Variants in AGGF1 observed in about 807,000 individuals in gnomAD.
AGGF1 encodes the protein angiogenic factor with G patch and FHA domains 1.
AGGF1 carries 56 observed loss-of-function variants against 86.5 expected under a neutral mutation model. The ratio of observed to expected loss-of-function variants is 0.65; its 90% CI spans 0.52 to 0.81. The LOEUF (loss-of-function observed/expected upper bound fraction) is 0.81. Ranked by LOEUF, AGGF1 falls within the 30% of genes least tolerant of loss-of-function variation. The pLI is 0.00. For synonymous variants in AGGF1, 313 were observed against 297.1 expected (o/e 1.05, Z -0.55); for missense variants, 816 against 850.9 (o/e 0.96, Z 0.51).
chr5:77,045,043 C>T lies in AGGF1; in HGVS notation c.871-1304C>T, dbSNP rs959039486. Among the ~76,000 whole-genome samples, 23 of 145,874 alleles carry T rather than the reference C, an allele frequency of 1.6e-4. No individual in the cohort carries two copies. In the East Asian group the frequency reaches 3.0e-3, roughly 19 times the overall value. Reference sequence around the variant, plus strand: ...TCGCGCCACTGCACTCCAGCCTGGGCGACAGAGCGAGACTCCGTCTCAAAA... The same window carrying T: ...TCGCGCCACTGCACTCCAGCCTGGGTGACAGAGCGAGACTCCGTCTCAAAA... On this transcript the variant is annotated intron_variant, in intron 5 of 13. Coordinates refer to ENST00000312916, the MANE Select transcript of AGGF1 (RefSeq NM_018046.5).
At position 77,035,401 on chromosome 5, in the gene AGGF1, T is replaced by C. The variant is rs960522193; in HGVS notation, c.314-140T>C. 13 of 681,862 alleles carry C rather than the reference T, an allele frequency of 1.9e-5. 1 individual carries two copies. In the Admixed American group the frequency reaches 3.3e-4, roughly 17 times the overall value. 42.2% of individuals were successfully genotyped at this position (681,862 alleles called of 1,614,324 possible). A position where few individuals can be genotyped will look rare whatever the true frequency, so the allele number is the denominator to read the frequency against. Reference sequence around the variant, plus strand: ...ATCTGTGCCATCTGTTTTAATCTTTTAAAATTTGTACAGTTGTAAAAATCA... The same window carrying C: ...ATCTGTGCCATCTGTTTTAATCTTTCAAAATTTGTACAGTTGTAAAAATCA... On this transcript the variant is annotated intron_variant, in intron 2 of 13. Coordinates refer to ENST00000312916, the MANE Select transcript of AGGF1 (RefSeq NM_018046.5).
chr5:77,039,682 G>C lies in AGGF1; in HGVS notation c.833G>C (p.Arg278Thr), dbSNP rs772866548. The change falls in exon 5 of 14, where the codon AGA (arginine) becomes ACA (threonine). Residue 278 changes from arginine to threonine, a missense_variant. Physicochemically the swap from Arg to Thr is moderately conservative, Grantham distance 71 (BLOSUM62 -1). Around this residue, in one of 3 missense-constraint regions of AGGF1, gnomAD observed 565 missense variants for 585.8 expected, o/e 0.96. Transcript: ENST00000312916. Reference protein sequence around the residue: ...QSKDKKLKKKRKDPDSSATNE... With the variant: ...QSKDKKLKKKTKDPDSSATNE... ...AAAGATAAAAAATTGAAGAAGAAAA[G>C]AAAAGATCCAGATTCTTCTGCAACA... 2 of 1,611,994 alleles carry C rather than the reference G, an allele frequency of 1.2e-6. No individual in the cohort carries two copies. The highest frequency in any genetic ancestry group is 3.3e-5 in the Admixed American group (2 of 59,748).
rs774557503 is a variant in AGGF1, at chr5:77,030,472, C to G, written c.-295C>G. ...GGCCTCTGGTTTTCCGACTGCTTATCCGACGCTCCTCCCTCTGTCTCTGTA... is the reference window on the plus strand; with the variant it reads ...GGCCTCTGGTTTTCCGACTGCTTATGCGACGCTCCTCCCTCTGTCTCTGTA... On this transcript the variant is annotated 5_prime_UTR_variant, in exon 1 of 14. The change creates a new upstream start codon in the 5' untranslated region. Transcript: ENST00000312916. 3 of 600,768 alleles carry G rather than the reference C, an allele frequency of 5.0e-6. No homozygotes were observed. Among genetic ancestry groups the G allele is most frequent in the Admixed American group, 2.1e-5 (1 of 46,686 alleles). 37.2% of individuals were successfully genotyped at this position (600,768 alleles called of 1,614,324 possible). A position where few individuals can be genotyped will look rare whatever the true frequency, so the allele number is the denominator to read the frequency against.
In AGGF1 at chr5:77,064,802, A is replaced by T. The variant is rs1742765574; in HGVS notation, c.*1550A>T. ...TATGTAACAATATAGGACCCCTCCAAATAGGTTTTGCTTCTGGTGAATCTT... is the reference window on the plus strand; with the variant it reads ...TATGTAACAATATAGGACCCCTCCATATAGGTTTTGCTTCTGGTGAATCTT... On this transcript the variant is annotated 3_prime_UTR_variant, in exon 14 of 14. Coordinates refer to ENST00000312916, the MANE Select transcript of AGGF1 (RefSeq NM_018046.5). The T allele has an allele frequency of 6.6e-6, 1 of 152,176 alleles. No homozygotes were observed. Among genetic ancestry groups the T allele is most frequent in the South Asian group, 2.1e-4 (1 of 4,822 alleles). The allele number at this position is 152,176 out of a possible 1,614,324, so 9.4% of individuals were successfully genotyped here. A position where few individuals can be genotyped will look rare whatever the true frequency, so the allele number is the denominator to read the frequency against.
chr5:77,046,491 G>A lies in AGGF1; in HGVS notation c.1015G>A (p.Gly339Arg), dbSNP rs1304550069. ...SPPKVTVPTS[G>R]NTIESPLHEN... ...CCCCAAAGTCACTGTTCCAACTAGTGGAAATACTATAGAGTCTCCTCTTCA... is the reference window on the plus strand; with the variant it reads ...CCCCAAAGTCACTGTTCCAACTAGTAGAAATACTATAGAGTCTCCTCTTCA... The change falls in exon 6 of 14, where the codon GGA becomes AGA. Residue 339 changes from glycine (G) to arginine (R), a missense_variant. This residue lies in a region of AGGF1 where 565 missense variants were observed against 585.8 expected (regional missense o/e 0.96). Coordinates refer to ENST00000312916, the MANE Select transcript of AGGF1 (RefSeq NM_018046.5). The A allele has an allele frequency of 1.9e-6, 3 of 1,613,988 alleles. No individual in the cohort carries two copies. The Admixed American group carries it at 5.0e-5, about 27-fold the overall frequency.
intron 7 of AGGF1, 47 bp from the exon 8 acceptor site, chr5:77,048,889 A>G (rs576801363): frequency 5.8e-6 from 9 of 1,556,692 alleles, no homozygotes; most frequent in Middle Eastern, 3.6e-4. Flanking sequence ...GTCACTTTAT[A>G]TAATATGCTT....
At chr5:77,033,044 C>T (rs1746901002) in intron 1 of AGGF1, among the ~76,000 whole-genome samples, 1 of 152,192 alleles carries the variant, frequency 6.6e-6, no homozygotes. Flanking sequence ...GATCATCTGT[C>T]CTCCACATGC....
rs1388730067 is a variant in AGGF1, at chr5:77,039,629, T to G, written c.780T>G (p.Pro260=). The G allele has an allele frequency of 6.2e-7, 1 of 1,613,214 alleles. No homozygotes were observed. The highest frequency in any genetic ancestry group is 8.5e-7 in the Non-Finnish European group (1 of 1,179,500). Residue 260 remains proline, a synonymous_variant, in exon 5 of 14, where the codon CCT becomes CCG. Transcript: ENST00000312916. ...TTCATTCTCGAGTAGATTTGCAACC[T>G]TATCCGACTTCTAGCACAAAACAAA... ...YQFHSRVDLQ[P]YPTSSTKQSK... is the part of the protein sequence containing the mutation.
intron 1 of AGGF1, among the ~76,000 whole-genome samples, chr5:77,032,442 G>A (rs1303362054): frequency 6.6e-6 from 1 of 151,268 alleles, no homozygotes. Context: ...GGTGGCGGGC[G>A]CCTGTAGTCC....
chr5:77,038,472 A>G (rs1747004584), intron 4 of AGGF1, among the ~76,000 whole-genome samples: 1 of 152,038 alleles, frequency 6.6e-6, no homozygotes, highest in African/African-American at 2.4e-5. Flanking sequence ...AATTTTTTTT[A>G]TATTTTGAAA....
At position 77,034,405 on chromosome 5, in the gene AGGF1, T is replaced by C. The variant is rs769484134; in HGVS notation, c.211-13T>C. The C allele has an allele frequency of 6.5e-7, 1 of 1,534,490 alleles. No individual in the cohort carries two copies. ...ACATGATTTCTTTTTCCTAAAGCCT[T>C]GTTTTCTCTCAGGTGGAAGAACTCA... On this transcript the variant is annotated splice_polypyrimidine_tract_variant and intron_variant, in intron 1 of 13. Transcript: ENST00000312916.
In AGGF1 at chr5:77,030,503, A is replaced by T. The variant is rs759363575; in HGVS notation, c.-264A>T. 5 of 659,362 alleles carry T rather than the reference A, an allele frequency of 7.6e-6. No individual in the cohort carries two copies. The highest frequency in any genetic ancestry group is 7.5e-5 in the South Asian group (5 of 66,366). The allele number at this position is 659,362 out of a possible 1,614,324, so 40.8% of individuals were successfully genotyped here. On this transcript the variant is annotated 5_prime_UTR_variant, in exon 1 of 14. Coordinates refer to ENST00000312916, the MANE Select transcript of AGGF1 (RefSeq NM_018046.5). ...CTCCTCCCTCTGTCTCTGTAGCTGG[A>T]GAAGGTAGTTTCCAGGAAAGTTTTC...
At chr5:77,041,797 ATTT>A (rs1747089724) in intron 5 of AGGF1, among the ~76,000 whole-genome samples, 1 of 127,094 alleles carries the variant, frequency 7.9e-6, no homozygotes, top group African/African-American at 3.3e-5. Flanking sequence ...TTATTTATTT[ATTT>A]ATTTATTTAT....
rs1232718165 is a variant in AGGF1 at position 77,041,566 on chromosome 5, C to CAA, written c.870+1866_870+1867dup. On this transcript the variant is annotated intron_variant, in intron 5 of 13. Transcript: ENST00000312916. ...TGGGCAACAGAGCGAGACTCCATCT[C>CAA]AAAAAAAAAAAAAAAAAAAAGAAGA... is the stretch of plus-strand genomic sequence containing the variant. 3.2e-3 allele frequency among the ~76,000 whole-genome samples: 222 copies of CAA among 70,216 alleles called. 2 individuals carry two copies. The highest frequency in any genetic ancestry group is 0.027 in the South Asian group (51 of 1,884). The allele number at this position is 70,216 out of a possible 152,430, so 46.1% of individuals were successfully genotyped here. A position where few individuals can be genotyped will look rare whatever the true frequency, so the allele number is the denominator to read the frequency against.
In AGGF1 at chr5:77,063,226, C is replaced by T; in HGVS notation, c.2119C>T (p.Pro707Ser). The part of the protein sequence containing the change: ...KPQKDDPGTM[P>S]WVKGTLE The stretch of plus-strand genomic sequence containing the variant: ...TCAAAAAGATGACCCAGGGACCATG[C>T]CTTGGGTAAAAGGGACTTTAGAGTG... The change falls in exon 14 of 14, where the codon CCT (proline) becomes TCT (serine). Residue 707 changes from proline to serine, a missense_variant. Physicochemically the swap from Pro to Ser is moderately conservative, Grantham distance 74. Coordinates refer to ENST00000312916, the MANE Select transcript of AGGF1 (RefSeq NM_018046.5). 6.2e-7 allele frequency: 1 copy of T among 1,613,668 alleles called. No individual in the cohort carries two copies. The highest frequency in any genetic ancestry group is 8.5e-7 in the Non-Finnish European group (1 of 1,179,792).
intron 5 of AGGF1, among the ~76,000 whole-genome samples, chr5:77,040,384 A>G (rs1293818673): frequency 2.0e-5 from 3 of 151,618 alleles, no homozygotes; most frequent in Non-Finnish European, 4.4e-5. Flanking sequence ...TGCTGAGATT[A>G]CAGGCATGAG....
chr5:77,059,506 A>T (rs1747516045), intron 11 of AGGF1, 110 bp from the exon 12 acceptor site: 1 of 998,686 alleles, frequency 1.0e-6, no homozygotes, highest in African/African-American at 1.6e-5. Flanking sequence ...GTTTTATTTC[A>T]TTGTTTATAG....
At position 77,063,296 on chromosome 5, in the gene AGGF1, A is replaced by T; in HGVS notation, c.*44A>T. Reference sequence around the variant, plus strand: ...AAACCTCTAGTTTTTTTAAAAATAGAATTTGGAAACTTATTTTTTCTCCCC... The same window carrying T: ...AAACCTCTAGTTTTTTTAAAAATAGTATTTGGAAACTTATTTTTTCTCCCC... On this transcript the variant is annotated 3_prime_UTR_variant, in exon 14 of 14. Coordinates refer to ENST00000312916, the MANE Select transcript of AGGF1 (RefSeq NM_018046.5). 1 of 1,570,512 alleles carries T rather than the reference A, an allele frequency of 6.4e-7. No individual in the cohort carries two copies. Among genetic ancestry groups the T allele is most frequent in the East Asian group, 2.3e-5 (1 of 44,238 alleles).
intron 11 of AGGF1, among the ~76,000 whole-genome samples, chr5:77,059,402 A>C (rs1747513727): frequency 6.6e-6 from 1 of 152,152 alleles, no homozygotes; most frequent in Non-Finnish European, 1.5e-5. Context: ...CACTGGTCTC[A>C]AACTCCTGAC....
Sources: gnomAD v4.1 joint callset for allele counts (sites outside exome capture counted in the v4.1 genomes callset) on GRCh38, gnomAD v4.1.1 for gene constraint, gnomAD v4.1.1 regional missense constraint, MANE v1.5 for transcripts, NCBI Gene and HGNC (gene_info 2026-07-23, HGNC 2026-07-21) for gene names.